NRG1: variants seen among roughly 807,000 people sequenced by gnomAD.
NRG1 encodes the protein pro-neuregulin-1, membrane-bound isoform.
In NRG1, 18 loss-of-function variants were observed where a neutral mutation model predicts 63.8. That is an observed-to-expected ratio of 0.28 (90% confidence interval 0.19 to 0.42). NRG1 has a LOEUF of 0.42. Among genes scored for constraint, NRG1 ranks in the 10% least tolerant of loss-of-function variants. NRG1 has a pLI of 1.00. For synonymous variants in NRG1, 302 were observed against 301.3 expected (o/e 1.00, Z -0.02); for missense variants, 762 against 814.7 (o/e 0.94, Z 0.79).
intron 1 of NRG1, among the ~76,000 whole-genome samples, chr8:32,220,162 C>A (rs535348764): frequency 1.2e-4 from 18 of 152,102 alleles, no homozygotes; most frequent in African/African-American, 4.1e-4. Flanking sequence ...TTTTTTCCTG[C>A]AGTTACTCAA....
intron 1 of NRG1, among the ~76,000 whole-genome samples, chr8:31,772,157 C>T (rs538347798): frequency 6.6e-6 from 1 of 152,202 alleles, no homozygotes; most frequent in African/African-American, 2.4e-5. Context: ...TTTTCTCTTC[C>T]ACATTGGGAA....
At chr8:32,048,598 A>G (rs1214515790) in intron 1 of NRG1, among the ~76,000 whole-genome samples, 1 of 151,392 alleles carries the variant, frequency 6.6e-6, no homozygotes, top group Non-Finnish European at 1.5e-5. Flanking sequence ...AATGCACAAG[A>G]GTCCCCTTTC....
At chr8:31,852,209 G>C (rs575832518) in intron 1 of NRG1, among the ~76,000 whole-genome samples, 2,628 of 152,240 alleles carry the variant, frequency 0.017, 71 homozygotes, top group African/African-American at 0.059. Flanking sequence ...GGTTGAACTA[G>C]TTTACAGTCC....
chr8:31,957,070 G>C (rs1804562259), intron 1 of NRG1, among the ~76,000 whole-genome samples: 1 of 152,148 alleles, frequency 6.6e-6, no homozygotes, highest in Non-Finnish European at 1.5e-5. Context: ...GGCAAATTTA[G>C]ATGTTAAAAG....
At chr8:32,735,428 C>T (rs763605544) in intron 6 of NRG1, among the ~76,000 whole-genome samples, 5 of 152,008 alleles carry the variant, frequency 3.3e-5, no homozygotes, top group Non-Finnish European at 7.4e-5. Context: ...TACAGGAAAA[C>T]GAATACACAA....
intron 1 of NRG1, among the ~76,000 whole-genome samples, chr8:32,260,785 T>C (rs1850277323): frequency 6.6e-6 from 1 of 152,166 alleles, no homozygotes; most frequent in Non-Finnish European, 1.5e-5. Context: ...TAGCAGTATA[T>C]GGCCTTCGGC....
At chr8:31,665,590 C>G (rs1806446454) in intron 1 of NRG1, among the ~76,000 whole-genome samples, 1 of 152,152 alleles carries the variant, frequency 6.6e-6, no homozygotes, top group African/African-American at 2.4e-5. Flanking sequence ...GTTTATTTAA[C>G]TTGTAGCATT....
At chr8:32,117,136 TGTCTC>T (rs1383994357) in intron 1 of NRG1, among the ~76,000 whole-genome samples, 2 of 152,026 alleles carry the variant, frequency 1.3e-5, no homozygotes, top group African/African-American at 4.8e-5. Context: ...AGCGAGACAC[TGTCTC>T]AAAAGACACA....
At chr8:32,122,125 C>G (rs1435878502) in intron 1 of NRG1, among the ~76,000 whole-genome samples, 1 of 151,960 alleles carries the variant, frequency 6.6e-6, no homozygotes, top group East Asian at 1.9e-4. Flanking sequence ...TCTTAGTACT[C>G]TTCAACTCAG....
intron 1 of NRG1, among the ~76,000 whole-genome samples, chr8:32,359,409 A>T (rs955681734): frequency 1.3e-5 from 2 of 152,212 alleles, no homozygotes; most frequent in African/African-American, 4.8e-5. Flanking sequence ...GCATTGACTA[A>T]TCTTGCCCCA....
At chr8:32,139,387 C>T (rs1273038410) in intron 1 of NRG1, 1 of 152,204 alleles carries the variant, frequency 6.6e-6, no homozygotes, top group Non-Finnish European at 1.5e-5. Flanking sequence ...CATCCCTTCT[C>T]CTTGCACAGT....
At chr8:32,527,393 A>C (rs1830970825) in intron 1 of NRG1, among the ~76,000 whole-genome samples, 1 of 152,176 alleles carries the variant, frequency 6.6e-6, no homozygotes, top group South Asian at 2.1e-4. Flanking sequence ...CCATTATCTT[A>C]AGTGAGATAA....
At position 31,897,860 on chromosome 8, in the gene NRG1, C is replaced by CA. The variant is rs3052833; in HGVS notation, c.37+258439dup. Reference sequence around the variant, plus strand: ...TGAAACCCTATTTCTACTAAAAATACAAAAAAAAAATGAGCTAGGCGTGGT... The same window carrying CA: ...TGAAACCCTATTTCTACTAAAAATACAAAAAAAAAAATGAGCTAGGCGTGGT... On this transcript the variant is annotated intron_variant, in intron 1 of 10. Coordinates refer to the NRG1 transcript ENST00000519301. Among the ~76,000 whole-genome samples the CA allele has an allele frequency of 2.4e-3, 354 of 146,926 alleles. 1 individual carries two copies. The highest frequency in any genetic ancestry group is 0.024 in the Middle Eastern group (7 of 292).
chr8:32,059,351 A>G (rs991167743), intron 1 of NRG1, among the ~76,000 whole-genome samples: 3 of 151,912 alleles, frequency 2.0e-5, no homozygotes, highest in South Asian at 2.1e-4. Flanking sequence ...ACTCCTAGAC[A>G]TCGTGCTGCA....
At chr8:32,575,416 C>T (rs1839433958) in intron 1 of NRG1, among the ~76,000 whole-genome samples, 1 of 149,986 alleles carries the variant, frequency 6.7e-6, no homozygotes, top group African/African-American at 2.5e-5. Flanking sequence ...AGTTCCCTTC[C>T]TGGAAGGGTT....
At chr8:32,440,225 C>T (rs1407520359) in intron 1 of NRG1, among the ~76,000 whole-genome samples, 1 of 152,118 alleles carries the variant, frequency 6.6e-6, no homozygotes, top group African/African-American at 2.4e-5. Flanking sequence ...CAATCATCTC[C>T]CACCAGGCAC....
At chr8:31,719,805 T>C (rs1035352486) in intron 1 of NRG1, among the ~76,000 whole-genome samples, 3 of 151,914 alleles carry the variant, frequency 2.0e-5, no homozygotes, top group Non-Finnish European at 2.9e-5. Context: ...GACTACCATA[T>C]GATGTATGTG....
chr8:32,706,065 G>T (rs1341975537), intron 5 of NRG1, among the ~76,000 whole-genome samples: 1 of 152,206 alleles, frequency 6.6e-6, no homozygotes, highest in East Asian at 1.9e-4. Context: ...ATGGAAAGAT[G>T]ATCTAGCAAA....
chr8:31,669,547 T>C (rs1304463603), intron 1 of NRG1, among the ~76,000 whole-genome samples: 1 of 152,136 alleles, frequency 6.6e-6, no homozygotes, highest in Non-Finnish European at 1.5e-5. Flanking sequence ...CCTTATACAA[T>C]ATTTTTAATA....
Sources: allele counts gnomAD v4.1 joint callset (sites outside exome capture counted in the v4.1 genomes callset), GRCh38; gene constraint gnomAD v4.1.1; transcripts MANE v1.5; gene names NCBI Gene and HGNC (gene_info 2026-07-23, HGNC 2026-07-21).